Variants in ADGRA1 observed in about 807,000 individuals in gnomAD.
ADGRA1 encodes the protein G-protein coupled receptor 123.
A neutral mutation model predicts 21.3 loss-of-function variants in ADGRA1; 12 were observed. The observed-to-expected ratio is 0.56, with a 90% confidence interval of 0.36 to 0.91. The LOEUF (loss-of-function observed/expected upper bound fraction) is 0.91. Among genes scored for constraint, ADGRA1 ranks in the 40% least tolerant of loss-of-function variants. The probability of loss-of-function intolerance (pLI) is 0.01; values close to 1 mark genes in which losing one functional copy is unlikely to be tolerated. For synonymous variants in ADGRA1, 385 were observed against 368.8 expected (o/e 1.04, Z -0.50); for missense variants, 790 against 805.6 (o/e 0.98, Z 0.23).
chr10:133,125,093 C>T (rs1428726469), intron 5 of ADGRA1, among the ~76,000 whole-genome samples: 2 of 152,230 alleles, frequency 1.3e-5, no homozygotes, highest in Non-Finnish European at 2.9e-5. Flanking sequence ...GCCGCTGTAG[C>T]TCTCTTAATC....
chr10:133,098,528 C>A, intron 3 of ADGRA1, 112 bp from the exon 4 acceptor site: 1 of 1,336,932 alleles, frequency 7.5e-7, no homozygotes, highest in Non-Finnish European at 1.0e-6. Context: ...CCCCTGACCC[C>A]ACGGAGAGCC....
intron 4 of ADGRA1, 97 bp from the exon 5 acceptor site, chr10:133,102,600 C>T (rs907282907): frequency 8.6e-6 from 12 of 1,394,926 alleles, no homozygotes; most frequent in Admixed American, 2.1e-5. Context: ...GGCCGCCTGC[C>T]GTTCTCATTC....
In ADGRA1 at chr10:133,097,045, G is replaced by C. The variant is rs779764182; in HGVS notation, c.75G>C (p.Thr25=). The change falls in exon 3 of 7, where the codon ACG becomes ACC. Residue 25 remains threonine (T), a synonymous_variant. Coordinates refer to ENST00000392607, the MANE Select transcript of ADGRA1 (RefSeq NM_001083909.3). The stretch of plus-strand genomic sequence containing the variant: ...TGCACCCCGTGGTGTACGCGTGCAC[G>C]GCCGTCATGCTGCTCTGCCTCCTGG... ...EFLHPVVYAC[T]AVMLLCLLAS... The C allele has an allele frequency of 1.2e-6, 2 of 1,611,488 alleles. No homozygotes were observed. The highest frequency in any genetic ancestry group is 2.2e-5 in the East Asian group (1 of 44,886).
At chr10:133,100,429 C>T (rs1047389198) in intron 4 of ADGRA1, among the ~76,000 whole-genome samples, 2 of 152,232 alleles carry the variant, frequency 1.3e-5, no homozygotes, top group Admixed American at 6.5e-5. Context: ...GCGGGTGAGG[C>T]CCCCCGAGGG....
Position 133,099,275 on chromosome 10 carries a change from G to A in ADGRA1, c.255+512G>A, listed in dbSNP as rs973733443. 4.0e-5 allele frequency among the ~76,000 whole-genome samples: 6 copies of A among 151,566 alleles called. No homozygotes were observed. The South Asian group carries it at 1.0e-3, about 26-fold the overall frequency. ...GCCCGCCCCTCCCAGAGAAAGTGGT[G>A]GGGAGACACAGCCCACCCCTCCCGG... On this transcript the variant is annotated intron_variant, in intron 4 of 6. Transcript: ENST00000392607.
At chr10:133,094,448 C>T (rs1339638337) in intron 2 of ADGRA1, among the ~76,000 whole-genome samples, 2 of 152,224 alleles carry the variant, frequency 1.3e-5, no homozygotes, top group Non-Finnish European at 2.9e-5. Context: ...ACAGTGGCAC[C>T]GCCCCTCGCC....
intron 5 of ADGRA1, among the ~76,000 whole-genome samples, chr10:133,114,631 T>C (rs540065866): frequency 1.3e-5 from 2 of 150,438 alleles, no homozygotes; most frequent in Non-Finnish European, 3.0e-5. Context: ...ACTGGTGACT[T>C]TCCGGAGATA....
intron 6 of ADGRA1, among the ~76,000 whole-genome samples, chr10:133,127,541 T>G (rs1044817252): frequency 6.6e-6 from 1 of 151,900 alleles, no homozygotes; most frequent in African/African-American, 2.4e-5. Context: ...CAACCTAATC[T>G]TTGCCTTTGG....
At chr10:133,116,190 C>T (rs1295942849) in intron 5 of ADGRA1, among the ~76,000 whole-genome samples, 1 of 152,180 alleles carries the variant, frequency 6.6e-6, no homozygotes, top group African/African-American at 2.4e-5. Context: ...CCATACGGGG[C>T]GAGTGTGGAT....
At chr10:133,121,326 A>G (rs1162426041) in intron 5 of ADGRA1, among the ~76,000 whole-genome samples, 1 of 152,226 alleles carries the variant, frequency 6.6e-6, no homozygotes, top group African/African-American at 2.4e-5. Flanking sequence ...GCCCAGGTGC[A>G]CCTGTGCACG....
At chr10:133,097,223 A>T (rs1851704662) in intron 3 of ADGRA1, 122 bp downstream of exon 3, 2 of 1,221,506 alleles carry the variant, frequency 1.6e-6, no homozygotes, top group Non-Finnish European at 2.3e-6. Context: ...TTGAAGGTAC[A>T]ACTCAGGTCA....
chr10:133,126,043 A>C (rs1180023589), intron 5 of ADGRA1, among the ~76,000 whole-genome samples: 1 of 152,206 alleles, frequency 6.6e-6, no homozygotes. Flanking sequence ...CCTTCCGCAC[A>C]GTCCAAGTCC....
At chr10:133,102,267 C>T (rs1198623771) in intron 4 of ADGRA1, 1 of 487,508 alleles carries the variant, frequency 2.1e-6, no homozygotes, top group Non-Finnish European at 4.1e-6. Flanking sequence ...CTCATCCTAC[C>T]CACAGTAAGA....
At position 133,088,780 on chromosome 10, in the gene ADGRA1, C is replaced by T; in HGVS notation, c.-130C>T. ...GGCCAGGGGCCCGGGAGCGCGACCT[C>T]CTGGCCGCCGTCTGGGACTTTGACC... On this transcript the variant is annotated 5_prime_UTR_variant, in exon 2 of 7. Transcript: ENST00000392607. 8.1e-7 allele frequency: 1 copy of T among 1,232,140 alleles called. No individual in the cohort carries two copies. The highest frequency in any genetic ancestry group is 1.0e-6 in the Non-Finnish European group (1 of 987,804). The allele number at this position is 1,232,140 out of a possible 1,614,324, so 76.3% of individuals were successfully genotyped here. A position where few individuals can be genotyped will look rare whatever the true frequency, so the allele number is the denominator to read the frequency against.
intron 5 of ADGRA1, among the ~76,000 whole-genome samples, chr10:133,112,574 G>T (rs1852065267): frequency 6.8e-6 from 1 of 148,006 alleles, no homozygotes; most frequent in African/African-American, 2.5e-5. Context: ...TCGGTTATTT[G>T]AGGTCTGCGG....
chr10:133,126,380 C>T (rs1374749117), intron 5 of ADGRA1, among the ~76,000 whole-genome samples: 1 of 152,258 alleles, frequency 6.6e-6, no homozygotes. Flanking sequence ...GCCACCCCCT[C>T]CCACCACTGC....
chr10:133,104,210 G>A (rs572412026), intron 5 of ADGRA1, among the ~76,000 whole-genome samples: 1 of 152,370 alleles, frequency 6.6e-6, no homozygotes, highest in African/African-American at 2.4e-5. Flanking sequence ...GATCCACGCA[G>A]ACACGTTGCC....
intron 5 of ADGRA1, among the ~76,000 whole-genome samples, chr10:133,120,691 A>T (rs533842826): frequency 6.6e-6 from 1 of 152,172 alleles, no homozygotes; most frequent in Non-Finnish European, 1.5e-5. Flanking sequence ...GTCTGATTTG[A>T]TCTTCCATCC....
chr10:133,089,648 G>A (rs1468656727), intron 2 of ADGRA1, among the ~76,000 whole-genome samples: 2 of 152,258 alleles, frequency 1.3e-5, no homozygotes, highest in Non-Finnish European at 2.9e-5. Flanking sequence ...ATGGCCTCTA[G>A]AATGTGCGGC....
Sources: gnomAD v4.1 joint callset for allele counts (sites outside exome capture counted in the v4.1 genomes callset) on GRCh38, gnomAD v4.1.1 for gene constraint, MANE v1.5 for transcripts, NCBI Gene and HGNC (gene_info 2026-07-23, HGNC 2026-07-21) for gene names.